Variants in PRKAA2 observed in about 807,000 individuals in gnomAD.
The protein encoded by PRKAA2 is protein kinase AMP-activated catalytic subunit alpha 2.
PRKAA2 carries 40 observed loss-of-function variants against 56.3 expected under a neutral mutation model. The ratio of observed to expected loss-of-function variants is 0.71; its 90% CI spans 0.55 to 0.92. The LOEUF is 0.92. Ranked by LOEUF, PRKAA2 falls within the 40% of genes least tolerant of loss-of-function variation. The pLI, the probability that PRKAA2 is intolerant of heterozygous loss-of-function variation, is 0.00. For synonymous variants in PRKAA2, 214 were observed against 234.2 expected, an observed-to-expected ratio of 0.91 and a Z score of 0.79; for missense variants, 542 against 686.9, an observed-to-expected ratio of 0.79 and a Z score of 2.36.
intron 2 of PRKAA2, among the ~76,000 whole-genome samples, chr1:56,682,043 TG>T (rs1226085128): frequency 1.3e-5 from 2 of 152,178 alleles, no homozygotes; most frequent in African/African-American, 2.4e-5. Context: ...AGCAGTGGTT[TG>T]TAGTTCTCCT....
Position 56,714,959 on chromosome 1 carries a change from A to G in PRKAA2, c.*7246A>G, listed in dbSNP as rs1483414843. 1 of 152,128 alleles carries G rather than the reference A, an allele frequency of 6.6e-6. No individual in the cohort carries two copies. 9.4% of individuals were successfully genotyped at this position (152,128 alleles called of 1,614,324 possible). A position where few individuals can be genotyped will look rare whatever the true frequency, so the allele number is the denominator to read the frequency against. On this transcript the variant is annotated 3_prime_UTR_variant, in exon 9 of 9. Transcript: ENST00000371244. ...ATACATTGACCCATTGAAGTACTTC[A>G]TTACGTATTTATTGAAAATTTTTTT...
At chr1:56,652,334 T>A (rs1643908313) in intron 1 of PRKAA2, among the ~76,000 whole-genome samples, 2 of 151,880 alleles carry the variant, frequency 1.3e-5, no homozygotes, top group Admixed American at 1.3e-4. Context: ...TTTCTGTATT[T>A]TTGGTAGAGA....
intron 1 of PRKAA2, among the ~76,000 whole-genome samples, chr1:56,649,662 A>C (rs1247426547): frequency 6.6e-6 from 1 of 152,132 alleles, no homozygotes; most frequent in Non-Finnish European, 1.5e-5. Context: ...TTTATTAATT[A>C]GTTTTTTTTA....
At chr1:56,689,810 A>C (rs1292987835) in intron 2 of PRKAA2, among the ~76,000 whole-genome samples, 1 of 152,040 alleles carries the variant, frequency 6.6e-6, no homozygotes, top group Non-Finnish European at 1.5e-5. Context: ...GTTTTTGGGA[A>C]AAAAATTTAT....
chr1:56,681,330 T>C (rs1482986469), intron 2 of PRKAA2, among the ~76,000 whole-genome samples: 1 of 152,226 alleles, frequency 6.6e-6, no homozygotes, highest in African/African-American at 2.4e-5. Flanking sequence ...GATGGTAGTT[T>C]CTTTTGCTGT....
chr1:56,661,637 G>T (rs879639524), intron 1 of PRKAA2, among the ~76,000 whole-genome samples: 1 of 151,900 alleles, frequency 6.6e-6, no homozygotes. Context: ...ACACATTCCT[G>T]TACTTGTCTT....
chr1:56,669,010 A>G (rs2100398913), intron 1 of PRKAA2, among the ~76,000 whole-genome samples: 1 of 152,318 alleles, frequency 6.6e-6, no homozygotes, highest in East Asian at 1.9e-4. Context: ...TCAATGTGGA[A>G]TGATCCTCAG....
At chr1:56,681,226 T>A (rs1644152987) in intron 2 of PRKAA2, among the ~76,000 whole-genome samples, 1 of 152,214 alleles carries the variant, frequency 6.6e-6, no homozygotes, top group Non-Finnish European at 1.5e-5. Flanking sequence ...CTTGTACATT[T>A]GTTAAGTTCT....
intron 6 of PRKAA2, among the ~76,000 whole-genome samples, chr1:56,696,804 C>CTGA (rs1644261519): frequency 6.6e-6 from 1 of 152,096 alleles, no homozygotes; most frequent in African/African-American, 2.4e-5. Flanking sequence ...AGTGCCATTG[C>CTGA]TGATGCGCCT....
chr1:56,696,299 T>C, intron 6 of PRKAA2, 140 bp downstream of exon 6: 1 of 714,324 alleles, frequency 1.4e-6, no homozygotes, highest in South Asian at 2.1e-5. Flanking sequence ...GAACTTGTCC[T>C]TGTTTCTCAA....
At chr1:56,692,301 T>C in intron 3 of PRKAA2, 57 bp from the exon 4 acceptor site, 1 of 1,603,844 alleles carries the variant, frequency 6.2e-7, no homozygotes, top group Non-Finnish European at 8.5e-7. Flanking sequence ...ATTACAGGCA[T>C]GAGCCACTGT....
intron 5 of PRKAA2, 69 bp from the exon 6 acceptor site, chr1:56,695,866 T>C (rs1644255570): frequency 7.5e-7 from 1 of 1,325,218 alleles, no homozygotes. Flanking sequence ...TACCTATATA[T>C]AGAAGTAGGG....
intron 1 of PRKAA2, among the ~76,000 whole-genome samples, chr1:56,667,143 G>T (rs1177253094): frequency 6.6e-6 from 1 of 152,174 alleles, no homozygotes; most frequent in East Asian, 1.9e-4. Flanking sequence ...CTGATTCAGG[G>T]TCTACAGAAA....
chr1:56,708,384 T>TCTC lies in PRKAA2; in HGVS notation c.*671_*672insCTC, dbSNP rs1644346723. On this transcript the variant is annotated 3_prime_UTR_variant, in exon 9 of 9. Coordinates refer to ENST00000371244, the MANE Select transcript of PRKAA2 (RefSeq NM_006252.4). ...TTTATCTTGAGATTTCCCTGAATAA[T>TCTC]ATATTTATCTTAAGAGCCTTCAAGT... 6.6e-6 allele frequency: 1 copy of TCTC among 152,238 alleles called. No homozygotes were observed. The highest frequency in any genetic ancestry group is 1.5e-5 in the Non-Finnish European group (1 of 68,042). 9.4% of individuals were successfully genotyped at this position (152,238 alleles called of 1,614,324 possible).
chr1:56,704,215 A>G lies in PRKAA2; in HGVS notation c.1033A>G (p.Ser345Gly), dbSNP rs1368711403. The part of the protein sequence containing the change: ...NQASEFYLAS[S>G]PPSGSFMDDS... ...AGCCAGTGAGTTCTACCTCGCCTCT[A>G]GTCCTCCATCTGGTTCTTTTATGGA... Residue 345 changes from serine to glycine, a missense_variant, in exon 7 of 9, where the codon AGT becomes GGT. Ser to Gly is a moderately conservative substitution (Grantham distance 56, BLOSUM62 0). Coordinates refer to ENST00000371244, the MANE Select transcript of PRKAA2 (RefSeq NM_006252.4). 15 of 1,614,010 alleles carry G rather than the reference A, an allele frequency of 9.3e-6. No homozygotes were observed. The Admixed American group carries it at 1.8e-4, about 20-fold the overall frequency.
At chr1:56,688,457 T>C (rs1255638617) in intron 2 of PRKAA2, among the ~76,000 whole-genome samples, 1 of 152,190 alleles carries the variant, frequency 6.6e-6, no homozygotes, top group Non-Finnish European at 1.5e-5. Context: ...AGATGCGTGG[T>C]CTGAAGCTCA....
chr1:56,683,268 G>A (rs1171928210), intron 2 of PRKAA2, among the ~76,000 whole-genome samples: 1 of 152,010 alleles, frequency 6.6e-6, no homozygotes, highest in Non-Finnish European at 1.5e-5. Context: ...TGTAAATGGA[G>A]ATATCATCTA....
chr1:56,707,666 G>A lies in PRKAA2; in HGVS notation c.1612G>A (p.Asp538Asn), dbSNP rs768558815. 1.2e-6 allele frequency: 2 copies of A among 1,613,342 alleles called. No individual in the cohort carries two copies. Among genetic ancestry groups the A allele is most frequent in the Admixed American group, 3.3e-5 (2 of 59,982 alleles). ...VSPRLGSHTM[D>N]FFEMCASLIT... Reference sequence around the variant, plus strand: ...ACCTCGCCTGGGCAGTCACACCATGGATTTTTTTGAAATGTGTGCCAGTCT... The same window carrying A: ...ACCTCGCCTGGGCAGTCACACCATGAATTTTTTTGAAATGTGTGCCAGTCT... The change falls in exon 9 of 9, where the codon GAT becomes AAT. Residue 538 changes from aspartate to asparagine, a missense_variant. Physicochemically the swap from Asp to Asn is conservative, Grantham distance 23. Coordinates refer to ENST00000371244, the MANE Select transcript of PRKAA2 (RefSeq NM_006252.4).
At chr1:56,657,036 C>T (rs1643949782) in intron 1 of PRKAA2, among the ~76,000 whole-genome samples, 1 of 152,178 alleles carries the variant, frequency 6.6e-6, no homozygotes, top group East Asian at 1.9e-4. Flanking sequence ...CCTCAAGCCA[C>T]AGATTCAGAA....
Sources: allele counts gnomAD v4.1 joint callset (sites outside exome capture counted in the v4.1 genomes callset), GRCh38; gene constraint gnomAD v4.1.1; transcripts MANE v1.5; gene names NCBI Gene and HGNC (gene_info 2026-07-23, HGNC 2026-07-21).